The following HSD11B1 variants were observed in gnomAD, a reference collection of about 807,000 sequenced individuals.
HSD11B1 encodes 11-beta-hydroxysteroid dehydrogenase 1.
A neutral mutation model predicts 22.1 loss-of-function variants in HSD11B1; 15 were observed. That is an observed-to-expected ratio of 0.68 (90% CI 0.45 to 1.04). HSD11B1 has a LOEUF of 1.04. Ranked by LOEUF, HSD11B1 falls within the 50% of genes least tolerant of loss-of-function variation. HSD11B1 has a pLI of 0.00. For synonymous variants in HSD11B1, 122 were observed against 125.2 expected (o/e 0.97, Z 0.17); for missense variants, 281 against 357.6 (o/e 0.79, Z 1.73).
chr1:209,696,690 C>T (rs571486577), intron 1 of HSD11B1, among the ~76,000 whole-genome samples: 1 of 152,230 alleles, frequency 6.6e-6, no homozygotes, highest in African/African-American at 2.4e-5. Context: ...GAAAGAAAAG[C>T]CTGGTGACTA....
chr1:209,726,032 A>G (rs150807258), intron 4 of HSD11B1, among the ~76,000 whole-genome samples: 38 of 152,142 alleles, frequency 2.5e-4, no homozygotes, highest in African/African-American at 8.9e-4. Flanking sequence ...ATAATAGTTC[A>G]TTTTTTTCAC....
chr1:209,697,906 T>TTTTTTTTTTTTTTTTTTTTTTTTTTTTG (rs2076801494), intron 1 of HSD11B1, among the ~76,000 whole-genome samples: 1 of 125,150 alleles, frequency 8.0e-6, no homozygotes, highest in African/African-American at 2.9e-5. Context: ...TTTTTTTTTT[T>TTTTTTTTTTTTTTTTTTTTTTTTTTTTG]TTTTTTTTGA....
intron 4 of HSD11B1, among the ~76,000 whole-genome samples, chr1:209,730,564 C>T (rs544596410): frequency 7.9e-5 from 12 of 152,114 alleles, no homozygotes; most frequent in East Asian, 7.7e-4. Context: ...AAAATGATTA[C>T]GTTGCTGTCC....
intron 4 of HSD11B1, among the ~76,000 whole-genome samples, chr1:209,725,085 G>C (rs1415939447): frequency 6.6e-6 from 1 of 152,138 alleles, no homozygotes; most frequent in Non-Finnish European, 1.5e-5. Flanking sequence ...ATCTCAGTAT[G>C]AACTTTCCAA....
Position 209,706,613 on chromosome 1 carries a change from G to A in HSD11B1, c.220-96G>A. ...TACCATTTCTTACCTAAACAGGGCT[G>A]TGAGCAATCTCTCATTTAAGCCCCC... On this transcript the variant is annotated intron_variant, in intron 2 of 5. Coordinates refer to ENST00000367027, the MANE Select transcript of HSD11B1 (RefSeq NM_005525.4). The surrounding 1 kb of genome is among the most constrained non-coding windows in gnomAD (Gnocchi z 4.0). The A allele has an allele frequency of 1.2e-6, 1 of 823,798 alleles. No individual in the cohort carries two copies. The highest frequency in any genetic ancestry group is 2.4e-5 in the East Asian group (1 of 41,324). The allele number at this position is 823,798 out of a possible 1,614,324, so 51.0% of individuals were successfully genotyped here.
intron 4 of HSD11B1, among the ~76,000 whole-genome samples, chr1:209,722,940 G>C (rs1380849550): frequency 6.6e-5 from 10 of 152,200 alleles, no homozygotes; most frequent in Non-Finnish European, 5.9e-5. Flanking sequence ...ATGAACGAAA[G>C]CATGTAGGCC....
chr1:209,706,042 A>T lies in HSD11B1; in HGVS notation c.219+101A>T. 1 of 1,484,202 alleles carries T rather than the reference A, an allele frequency of 6.7e-7. No individual in the cohort carries two copies. Among genetic ancestry groups the T allele is most frequent in the East Asian group, 2.3e-5 (1 of 43,548 alleles). The allele number at this position is 1,484,202 out of a possible 1,614,324, so 91.9% of individuals were successfully genotyped here. On this transcript the variant is annotated intron_variant, in intron 2 of 5. Transcript: ENST00000367027. The surrounding 1 kb of genome is among the most constrained non-coding windows in gnomAD (Gnocchi z 4.0). Reference sequence around the variant, plus strand: ...AGAAGCTAGCATATCGCAGATCTATATACAGAGGCACATGCACACACACAG... The same window carrying T: ...AGAAGCTAGCATATCGCAGATCTATTTACAGAGGCACATGCACACACACAG...
intron 1 of HSD11B1, among the ~76,000 whole-genome samples, chr1:209,688,153 C>T (rs1435095092): frequency 1.3e-5 from 2 of 152,162 alleles, no homozygotes; most frequent in Non-Finnish European, 2.9e-5. Context: ...CCAACACAGA[C>T]CCTTGCTCTA....
At chr1:209,721,029 G>A (rs982679478) in intron 4 of HSD11B1, among the ~76,000 whole-genome samples, 1 of 152,164 alleles carries the variant, frequency 6.6e-6, no homozygotes, top group African/African-American at 2.4e-5. Context: ...AAAAAGCCAT[G>A]TAAAGATGGA....
At chr1:209,702,045 A>C (rs2076829712), upstream of HSD11B1, among the ~76,000 whole-genome samples, 1 of 152,222 alleles carries the variant, frequency 6.6e-6, no homozygotes, top group Non-Finnish European at 1.5e-5. Context: ...GTGTATTACA[A>C]AGGAGGGTGC....
At chr1:209,702,916 T>C (rs1323938501), upstream of HSD11B1, among the ~76,000 whole-genome samples, 1 of 152,258 alleles carries the variant, frequency 6.6e-6, no homozygotes, top group Non-Finnish European at 1.5e-5. Flanking sequence ...CTCACTTTAT[T>C]GGATGCTTTT....
At chr1:209,700,111 G>A (rs866349463), upstream of HSD11B1, among the ~76,000 whole-genome samples, 3 of 152,328 alleles carry the variant, frequency 2.0e-5, no homozygotes, top group Middle Eastern at 3.4e-3. Context: ...GGGGTCTGGA[G>A]GACATTGGCC....
rs750654194 is a variant in HSD11B1 at position 209,706,025 on chromosome 1, G to C, written c.219+84G>C. The C allele has an allele frequency of 5.1e-6, 8 of 1,562,322 alleles. No individual in the cohort carries two copies. The highest frequency in any genetic ancestry group is 7.0e-6 in the Non-Finnish European group (8 of 1,136,230). ...TATGCTCACATATACACAGAAGCTAGCATATCGCAGATCTATATACAGAGG... is the reference window on the plus strand; with the variant it reads ...TATGCTCACATATACACAGAAGCTACCATATCGCAGATCTATATACAGAGG... On this transcript the variant is annotated intron_variant, in intron 2 of 5. Transcript: ENST00000367027. This position sits in a 1 kb window ranked among gnomAD's most constrained non-coding sequence, Gnocchi z 4.0.
chr1:209,734,593 C>A lies in HSD11B1; in HGVS notation c.*72C>A. The A allele has an allele frequency of 8.9e-7, 1 of 1,120,314 alleles. No homozygotes were observed. The highest frequency in any genetic ancestry group is 1.3e-6 in the Non-Finnish European group (1 of 741,280). The allele number at this position is 1,120,314 out of a possible 1,614,324, so 69.4% of individuals were successfully genotyped here. A position where few individuals can be genotyped will look rare whatever the true frequency, so the allele number is the denominator to read the frequency against. The stretch of plus-strand genomic sequence containing the variant: ...GTCTCATGTTTATCTGAGCTCTTAT[C>A]TATGAAGACATCTTCCCAGAGTGTC... On this transcript the variant is annotated 3_prime_UTR_variant, in exon 6 of 6. Coordinates refer to ENST00000367027, the MANE Select transcript of HSD11B1 (RefSeq NM_005525.4).
rs560463540 is a variant in HSD11B1 at position 209,733,646 on chromosome 1, G to T, written c.662-658G>T. ...GGCCTACAATTTTTACAACTTTTCT[G>T]TTAAGTCCAAATACAAGTTTATCTA... is the stretch of plus-strand genomic sequence containing the variant. On this transcript the variant is annotated intron_variant, in intron 5 of 5. Transcript: ENST00000367027. Among the ~76,000 whole-genome samples the T allele has an allele frequency of 1.5e-4, 23 of 152,248 alleles. 1 individual carries two copies. The South Asian group carries it at 4.8e-3, about 32-fold the overall frequency.
At chr1:209,697,730 T>C (rs553915201) in intron 1 of HSD11B1, among the ~76,000 whole-genome samples, 8 of 152,250 alleles carry the variant, frequency 5.3e-5, no homozygotes, top group African/African-American at 1.9e-4. Context: ...TGGCTATCAG[T>C]AGGCATGGTC....
intron 4 of HSD11B1, among the ~76,000 whole-genome samples, chr1:209,712,808 T>C (rs1398669818): frequency 1.3e-5 from 2 of 152,186 alleles, no homozygotes; most frequent in African/African-American, 2.4e-5. Context: ...CCCAGCACTT[T>C]GGGAGGCCAA....
chr1:209,729,363 A>AACACACACACAC (rs34574844), intron 4 of HSD11B1, among the ~76,000 whole-genome samples: 11,566 of 146,222 alleles, frequency 0.079, 560 homozygotes, highest in East Asian at 0.13. Context: ...TGCCTCGGAA[A>AACACACACACAC]ACACACACAC....
chr1:209,702,060 A>G (rs2076829741), upstream of HSD11B1, among the ~76,000 whole-genome samples: 3 of 152,232 alleles, frequency 2.0e-5, no homozygotes, highest in South Asian at 6.2e-4. Flanking sequence ...GGGTGCAAGG[A>G]GTGGAGTGAA....
Sources: gnomAD v4.1 joint callset for allele counts (sites outside exome capture counted in the v4.1 genomes callset) on GRCh38, gnomAD v4.1.1 for gene constraint, Gnocchi (gnomAD v3.1) non-coding constraint, MANE v1.5 for transcripts, NCBI Gene and HGNC (gene_info 2026-07-23, HGNC 2026-07-21) for gene names.